BMP6: variants seen among roughly 807,000 people sequenced by gnomAD.
BMP6 encodes VG-1-R.
A neutral mutation model predicts 54.1 loss-of-function variants in BMP6; 17 were observed. That is an observed-to-expected ratio of 0.31 (90% confidence interval 0.22 to 0.47). The LOEUF is 0.47. Among genes scored for constraint, BMP6 ranks in the 20% least tolerant of loss-of-function variants. The probability of loss-of-function intolerance (pLI) is 1.00; values close to 1 mark genes in which losing one functional copy is unlikely to be tolerated. For missense variants in BMP6, 720 were observed against 690.4 expected, an observed-to-expected ratio of 1.04 and a Z score of -0.48; for synonymous variants, 328 against 291.2, an observed-to-expected ratio of 1.13 and a Z score of -1.28.
At chr6:7,750,091 G>A (rs942979339) in intron 1 of BMP6, among the ~76,000 whole-genome samples, 4 of 152,212 alleles carry the variant, frequency 2.6e-5, no homozygotes, top group African/African-American at 9.7e-5. Flanking sequence ...TGAACCCTGA[G>A]GGTGCTTTTA....
chr6:7,837,218 T>A (rs1005670900), intron 1 of BMP6, among the ~76,000 whole-genome samples: 2 of 152,224 alleles, frequency 1.3e-5, no homozygotes, highest in African/African-American at 2.4e-5. Context: ...ATTTTATCTT[T>A]TGTGTTTGTA....
intron 4 of BMP6, among the ~76,000 whole-genome samples, chr6:7,865,850 A>T (rs184034232): frequency 6.6e-6 from 1 of 152,366 alleles, no homozygotes; most frequent in African/African-American, 2.4e-5. Context: ...CACCAGAAGC[A>T]GCCCACCAGG....
At chr6:7,850,589 C>G (rs1490218573) in intron 2 of BMP6, among the ~76,000 whole-genome samples, 2 of 152,092 alleles carry the variant, frequency 1.3e-5, no homozygotes, top group East Asian at 3.9e-4. Context: ...ATATAATTGT[C>G]CCAGGAGAGA....
intron 4 of BMP6, among the ~76,000 whole-genome samples, chr6:7,874,574 A>G (rs1403468913): frequency 6.6e-6 from 1 of 152,104 alleles, no homozygotes; most frequent in African/African-American, 2.4e-5. Context: ...TAGGCAACAC[A>G]GAGAAACACC....
chr6:7,871,061 T>C (rs1348386756), intron 4 of BMP6, among the ~76,000 whole-genome samples: 1 of 146,932 alleles, frequency 6.8e-6, no homozygotes, highest in Non-Finnish European at 1.5e-5. Context: ...GCCATTTTTT[T>C]CCTACAAATA....
chr6:7,778,776 T>C (rs925190604), intron 1 of BMP6, among the ~76,000 whole-genome samples: 1 of 152,146 alleles, frequency 6.6e-6, no homozygotes, highest in Non-Finnish European at 1.5e-5. Context: ...TGGAATCGAG[T>C]CTGGACACCA....
At position 7,871,378 on chromosome 6, in the gene BMP6, T is replaced by C. The variant is rs542450586; in HGVS notation, c.1205-7696T>C. 1.3e-4 allele frequency among the ~76,000 whole-genome samples: 20 copies of C among 152,344 alleles called. No homozygotes were observed. The East Asian group carries it at 3.7e-3, about 28-fold the overall frequency. Reference sequence around the variant, plus strand: ...TACATTCTCAAAGCTCAGAAATCTTTGGTGAGAGGAATGTTTCTGCCTGTG... The same window carrying C: ...TACATTCTCAAAGCTCAGAAATCTTCGGTGAGAGGAATGTTTCTGCCTGTG... On this transcript the variant is annotated intron_variant, in intron 4 of 6. Coordinates refer to ENST00000283147, the MANE Select transcript of BMP6 (RefSeq NM_001718.6).
intron 1 of BMP6, among the ~76,000 whole-genome samples, chr6:7,817,558 A>G (rs1446861482): frequency 3.2e-5 from 4 of 123,518 alleles, no homozygotes; most frequent in African/African-American, 1.2e-4. Context: ...GGAACATCAC[A>G]CACGGGGGCC....
rs562295394 is a variant in BMP6 at position 7,861,894 on chromosome 6, G to A, written c.1006+295G>A. Among the ~76,000 whole-genome samples the A allele has an allele frequency of 3.9e-5, 6 of 152,302 alleles. No individual in the cohort carries two copies. The East Asian group carries it at 9.6e-4, about 24-fold the overall frequency. ...AGAGGCAGGTTGCGGGGGATGCAGC[G>A]AGTAAGAGAGAGGCAGGCGCATCTG... On this transcript the variant is annotated intron_variant, in intron 3 of 6. Coordinates refer to ENST00000283147, the MANE Select transcript of BMP6 (RefSeq NM_001718.6).
At chr6:7,856,620 G>A (rs1182002621) in intron 2 of BMP6, among the ~76,000 whole-genome samples, 2 of 44,346 alleles carry the variant, frequency 4.5e-5, no homozygotes, top group Non-Finnish European at 3.9e-5. Flanking sequence ...TTTTTGAGAC[G>A]GAGTCTCGCT....
At chr6:7,879,780 G>GGGGT (rs1759682063) in intron 5 of BMP6, among the ~76,000 whole-genome samples, 1 of 152,196 alleles carries the variant, frequency 6.6e-6, no homozygotes, top group Non-Finnish European at 1.5e-5. Context: ...GTGGGCCTCT[G>GGGGT]CAAGGAGCGA....
intron 1 of BMP6, among the ~76,000 whole-genome samples, chr6:7,800,521 A>G (rs1758253943): frequency 6.6e-6 from 1 of 152,074 alleles, no homozygotes. Context: ...TCCCCTGCCC[A>G]TGGTGTCTGG....
chr6:7,820,956 C>CTA, intron 1 of BMP6, among the ~76,000 whole-genome samples: 1 of 152,236 alleles, frequency 6.6e-6, no homozygotes, highest in East Asian at 1.9e-4. Context: ...CAAGGCTAAT[C>CTA]TGACAGGAGG....
At chr6:7,836,541 A>T (rs977325154) in intron 1 of BMP6, among the ~76,000 whole-genome samples, 1 of 152,234 alleles carries the variant, frequency 6.6e-6, no homozygotes, top group Non-Finnish European at 1.5e-5. Flanking sequence ...TACTTCAGTT[A>T]TGTAAAATGT....
chr6:7,876,163 T>G (rs1198303234), intron 4 of BMP6, among the ~76,000 whole-genome samples: 1 of 152,236 alleles, frequency 6.6e-6, no homozygotes, highest in Non-Finnish European at 1.5e-5. Context: ...CAGCTGGGTA[T>G]GGCATTCTAG....
Position 7,756,047 on chromosome 6 carries a change from A to G in BMP6, c.664+28428A>G, listed in dbSNP as rs376286782. Among the ~76,000 whole-genome samples, 11 of 152,012 alleles carry G rather than the reference A, an allele frequency of 7.2e-5. No individual in the cohort carries two copies. The East Asian group carries it at 2.1e-3, about 29-fold the overall frequency. On this transcript the variant is annotated intron_variant, in intron 1 of 6. Coordinates refer to ENST00000283147, the MANE Select transcript of BMP6 (RefSeq NM_001718.6). ...TCTGCTTGAGGCTCTTTGAGTTTCT[A>G]TCTGTGAGTTTATAGTTTTATTTAA... is the stretch of plus-strand genomic sequence containing the variant.
chr6:7,874,996 C>T (rs1201372188), intron 4 of BMP6, among the ~76,000 whole-genome samples: 1 of 152,090 alleles, frequency 6.6e-6, no homozygotes, highest in Admixed American at 6.5e-5. Flanking sequence ...GCCAAGAAGT[C>T]ACATGAGCTG....
chr6:7,819,060 A>G (rs1248764706), intron 1 of BMP6, among the ~76,000 whole-genome samples: 1 of 152,142 alleles, frequency 6.6e-6, no homozygotes, highest in Non-Finnish European at 1.5e-5. Flanking sequence ...AGAAAGGGGG[A>G]AAAAGACAAG....
At chr6:7,748,882 T>G (rs62389991) in intron 1 of BMP6, among the ~76,000 whole-genome samples, 1 of 152,186 alleles carries the variant, frequency 6.6e-6, no homozygotes, top group Non-Finnish European at 1.5e-5. Flanking sequence ...TCCTGCTATG[T>G]TATGATGATG....
Sources: gnomAD v4.1 joint callset for allele counts (sites outside exome capture counted in the v4.1 genomes callset) on GRCh38, gnomAD v4.1.1 for gene constraint, MANE v1.5 for transcripts, NCBI Gene and HGNC (gene_info 2026-07-23, HGNC 2026-07-21) for gene names.